The following SDK1 variants were observed in gnomAD, a reference collection of about 807,000 sequenced individuals.
SDK1 encodes the protein sidekick cell adhesion molecule 1, also known as protein sidekick-1.
Under a neutral mutation model 245.5 loss-of-function variants are expected in SDK1, and 157 were observed. That is an observed-to-expected ratio of 0.64 (90% CI 0.56 to 0.73). The LOEUF (loss-of-function observed/expected upper bound fraction) is 0.73. Among genes scored for constraint, SDK1 ranks in the 30% least tolerant of loss-of-function variants. The pLI is 0.00. For synonymous variants in SDK1, 1,647 were observed against 1,278.5 expected (o/e 1.29, Z -6.15); for missense variants, 3,583 against 3,002.3 (o/e 1.19, Z -4.52).
At chr7:3,322,858 G>C (rs541567534) in intron 1 of SDK1, among the ~76,000 whole-genome samples, 1 of 152,114 alleles carries the variant, frequency 6.6e-6, no homozygotes, top group Non-Finnish European at 1.5e-5. Flanking sequence ...CGCCCAGGCT[G>C]GGGTGTGGTG....
rs189919405 is a variant in SDK1 at position 4,029,006 on chromosome 7, C to T, written c.2602+11654C>T. Among the ~76,000 whole-genome samples, 501 of 151,754 alleles carry T rather than the reference C, an allele frequency of 3.3e-3. 9 individuals carry two copies. The highest frequency in any genetic ancestry group is 0.012 in the African/African-American group (486 of 41,290). ...CCCAGGAAGCCATCACCAGGGGTCA[C>T]GTCGGGTGTGCTCAAAGTGCGGCAC... On this transcript the variant is annotated intron_variant, in intron 17 of 44. Transcript: ENST00000404826.
In SDK1 at chr7:3,776,927, C is replaced by T. The variant is rs193085957; in HGVS notation, c.714-44523C>T. 6.5e-3 allele frequency among the ~76,000 whole-genome samples: 990 copies of T among 152,216 alleles called. 3 individuals are homozygous for T. Among genetic ancestry groups the T allele is most frequent in the Non-Finnish European group, 0.011 (751 of 68,018 alleles). On this transcript the variant is annotated intron_variant, in intron 4 of 44. Coordinates refer to ENST00000404826, the MANE Select transcript of SDK1 (RefSeq NM_152744.4). ...ATGCAGAGAACTGTATCATAGAGCA[C>T]GGTGTATACCCACACGGACTGTGAT...
intron 38 of SDK1, among the ~76,000 whole-genome samples, chr7:4,215,882 A>G (rs999259375): frequency 7.9e-5 from 12 of 152,092 alleles, no homozygotes; most frequent in African/African-American, 2.9e-4. Context: ...CCTATGAGGT[A>G]AGCGCTGCCA....
intron 4 of SDK1, among the ~76,000 whole-genome samples, chr7:3,686,656 C>T (rs552197183): frequency 2.6e-5 from 4 of 152,228 alleles, no homozygotes; most frequent in East Asian, 1.9e-4. Context: ...GGACACAGCG[C>T]ACTGACCCTG....
chr7:3,612,074 A>C (rs750864499), intron 1 of SDK1, among the ~76,000 whole-genome samples: 2 of 152,098 alleles, frequency 1.3e-5, no homozygotes, highest in Non-Finnish European at 2.9e-5. Flanking sequence ...GATACAATGG[A>C]CTTTGGGGAC....
rs1787346456 is a variant in SDK1, at chr7:4,026,367, G to A, written c.2602+9015G>A. 6.6e-6 allele frequency among the ~76,000 whole-genome samples: 1 copy of A among 152,242 alleles called. No individual in the cohort carries two copies. Among genetic ancestry groups the A allele is most frequent in the African/African-American group, 2.4e-5 (1 of 41,470 alleles). Reference sequence around the variant, plus strand: ...TTTAGAAGCTCAGCGTTTGGCATGGGCGAAGATATATTTTAGGAATGAAAC... The same window carrying A: ...TTTAGAAGCTCAGCGTTTGGCATGGACGAAGATATATTTTAGGAATGAAAC... On this transcript the variant is annotated intron_variant, in intron 17 of 44. Coordinates refer to ENST00000404826, the MANE Select transcript of SDK1 (RefSeq NM_152744.4). This position sits in a 1 kb window ranked among gnomAD's most constrained non-coding sequence, Gnocchi z 4.1.
At chr7:4,019,875 C>G (rs907123245) in intron 17 of SDK1, among the ~76,000 whole-genome samples, 2 of 152,142 alleles carry the variant, frequency 1.3e-5, no homozygotes, top group African/African-American at 2.4e-5. Context: ...CCCTTGTTCC[C>G]TTTTAAGCCT....
At chr7:3,558,255 G>A (rs1401788302) in intron 1 of SDK1, among the ~76,000 whole-genome samples, 1 of 152,196 alleles carries the variant, frequency 6.6e-6, no homozygotes, top group African/African-American at 2.4e-5. Context: ...AGGATCAAAG[G>A]AGTTGCTGGA....
At chr7:4,114,970 G>A (rs1325565808) in intron 25 of SDK1, among the ~76,000 whole-genome samples, 3 of 152,192 alleles carry the variant, frequency 2.0e-5, no homozygotes, top group African/African-American at 4.8e-5. Context: ...AGTGTTTTTG[G>A]CCAACCTTGA....
At chr7:3,339,380 C>G (rs1295271591) in intron 1 of SDK1, among the ~76,000 whole-genome samples, 1 of 152,068 alleles carries the variant, frequency 6.6e-6, no homozygotes, top group Non-Finnish European at 1.5e-5. Flanking sequence ...ATATTCTTAG[C>G]AATTAGTAAA....
chr7:4,239,332 G>A (rs1296469219), intron 42 of SDK1, among the ~76,000 whole-genome samples: 1 of 152,222 alleles, frequency 6.6e-6, no homozygotes, highest in Non-Finnish European at 1.5e-5. Context: ...AGATGCATGA[G>A]AGCACCTCAC....
chr7:3,973,731 A>C (rs1782670858), intron 12 of SDK1, among the ~76,000 whole-genome samples: 1 of 152,312 alleles, frequency 6.6e-6, no homozygotes, highest in East Asian at 1.9e-4. Flanking sequence ...GTGGTTCTAC[A>C]GACTTCTCAT....
At chr7:3,906,617 CTTTTTTTTTT>C (rs71032914) in intron 5 of SDK1, among the ~76,000 whole-genome samples, 12 of 57,194 alleles carry the variant, frequency 2.1e-4, no homozygotes, top group East Asian at 1.5e-3. Flanking sequence ...ATTTCAGTGT[CTTTTTTTTTT>C]TTTTTTTTTT....
At chr7:3,781,613 G>C (rs1780740796) in intron 4 of SDK1, among the ~76,000 whole-genome samples, 2 of 152,052 alleles carry the variant, frequency 1.3e-5, no homozygotes, top group African/African-American at 4.8e-5. Flanking sequence ...AAAGAATTCA[G>C]AATAGTACTC....
intron 7 of SDK1, among the ~76,000 whole-genome samples, chr7:3,957,809 C>G (rs534578923): frequency 6.6e-6 from 1 of 152,160 alleles, no homozygotes; most frequent in East Asian, 1.9e-4. Flanking sequence ...TTTCTTCAGG[C>G]TTGGTCTGTA....
chr7:3,615,046 A>T (rs1005032344), intron 1 of SDK1, among the ~76,000 whole-genome samples: 1 of 151,720 alleles, frequency 6.6e-6, no homozygotes, highest in Non-Finnish European at 1.5e-5. Flanking sequence ...GTTGTATACT[A>T]TATTAAAATG....
At chr7:3,509,744 A>C (rs887191260) in intron 1 of SDK1, among the ~76,000 whole-genome samples, 1 of 152,152 alleles carries the variant, frequency 6.6e-6, no homozygotes, top group Non-Finnish European at 1.5e-5. Context: ...GGTGTTTTCT[A>C]CCTTCGGCCC....
intron 1 of SDK1, among the ~76,000 whole-genome samples, chr7:3,479,327 C>A (rs1433791253): frequency 6.9e-6 from 1 of 144,484 alleles, no homozygotes; most frequent in African/African-American, 2.6e-5. Context: ...GAGGCTGAGG[C>A]AGGAGAATCG....
At chr7:3,582,890 A>C (rs1419107523) in intron 1 of SDK1, among the ~76,000 whole-genome samples, 2 of 152,074 alleles carry the variant, frequency 1.3e-5, no homozygotes, top group Non-Finnish European at 2.9e-5. Context: ...TTAAGACCTC[A>C]GAGATGCTGA....
Sources: allele counts gnomAD v4.1 joint callset (sites outside exome capture counted in the v4.1 genomes callset), GRCh38; gene constraint gnomAD v4.1.1; non-coding constraint Gnocchi (gnomAD v3.1); transcripts MANE v1.5; gene names NCBI Gene and HGNC (gene_info 2026-07-23, HGNC 2026-07-21).